Variants in PLA2G6 observed in about 807,000 individuals in gnomAD.
The protein encoded by PLA2G6 is 85/88 kDa calcium-independent phospholipase A2.
PLA2G6 carries 62 observed loss-of-function variants against 83.8 expected under a neutral mutation model. The ratio of observed to expected loss-of-function variants is 0.74; its 90% CI spans 0.60 to 0.91. The LOEUF (loss-of-function observed/expected upper bound fraction) is 0.91, where lower values mean the gene tolerates loss of function less well. Among genes scored for constraint, PLA2G6 ranks in the 40% least tolerant of loss-of-function variants. PLA2G6 has a pLI of 0.00. For missense variants in PLA2G6, 944 were observed against 1,102.0 expected, an observed-to-expected ratio of 0.86 and a Z score of 2.03; for synonymous variants, 417 against 449.8, an observed-to-expected ratio of 0.93 and a Z score of 0.92.
chr22:38,171,306 CCTT>C (rs1451599179), intron 1 of PLA2G6, among the ~76,000 whole-genome samples: 3 of 152,162 alleles, frequency 2.0e-5, no homozygotes, highest in Non-Finnish European at 4.4e-5. Flanking sequence ...AAGCCCTGAT[CCTT>C]CTTCAAATCC....
At chr22:38,180,036 G>A (rs1016512824) in intron 1 of PLA2G6, among the ~76,000 whole-genome samples, 1 of 151,820 alleles carries the variant, frequency 6.6e-6, no homozygotes, top group Non-Finnish European at 1.5e-5. Context: ...TTCTCCCAGG[G>A]AGCCACCCTC....
At chr22:38,139,878 G>A (rs2088791370) in intron 5 of PLA2G6, 104 bp downstream of exon 5, 2 of 942,160 alleles carry the variant, frequency 2.1e-6, no homozygotes, top group African/African-American at 3.3e-5. Context: ...TGAGGCTGGA[G>A]ATGCTAAGAT....
intron 2 of PLA2G6, among the ~76,000 whole-genome samples, chr22:38,152,842 G>A (rs1007397297): frequency 1.1e-4 from 17 of 152,054 alleles, no homozygotes; most frequent in African/African-American, 3.9e-4. Context: ...ATATGAAAAC[G>A]CTCAATCACA....
intron 1 of PLA2G6, among the ~76,000 whole-genome samples, chr22:38,179,509 C>T (rs185382782): frequency 1.5e-4 from 23 of 152,204 alleles, no homozygotes; most frequent in African/African-American, 5.3e-4. Context: ...TGAGGCCTGG[C>T]GCGGTGGCTC....
intron 12 of PLA2G6, among the ~76,000 whole-genome samples, chr22:38,120,419 A>C (rs2087454411): frequency 6.6e-6 from 1 of 152,210 alleles, no homozygotes; most frequent in Non-Finnish European, 1.5e-5. Flanking sequence ...GTCTCAGAGA[A>C]GGGTGGCCCA....
intron 13 of PLA2G6, 52 bp from the exon 14 acceptor site, chr22:38,115,733 C>T: frequency 6.4e-7 from 1 of 1,553,038 alleles, no homozygotes; most frequent in Non-Finnish European, 8.7e-7. Flanking sequence ...TGGCATAAAA[C>T]CCATGCACTC....
rs1017269418 is a variant in PLA2G6 at position 38,127,157 on chromosome 22, C to G, written c.1349-708G>C. ...CGTGACCCCAACTCTGACAGCCCCC[C>G]ACCACTGTGCAGAGTCTAGAAGCAG... On this transcript the variant is annotated intron_variant, in intron 9 of 16. Transcript: ENST00000332509. The G allele has an allele frequency of 1.4e-5, 16 of 1,154,606 alleles. No individual in the cohort carries two copies. The African/African-American group carries it at 1.9e-4, about 14-fold the overall frequency. 71.5% of individuals were successfully genotyped at this position (1,154,606 alleles called of 1,614,324 possible). A position where few individuals can be genotyped will look rare whatever the true frequency, so the allele number is the denominator to read the frequency against.
chr22:38,158,720 G>T (rs757827300), intron 2 of PLA2G6, among the ~76,000 whole-genome samples: 8 of 152,148 alleles, frequency 5.3e-5, no homozygotes, highest in African/African-American at 9.7e-5. Flanking sequence ...TTCTTGAAAA[G>T]AATGTGTATT....
At chr22:38,145,747 G>C (rs900906817) in intron 2 of PLA2G6, 94 bp from the exon 3 acceptor site, 6 of 794,942 alleles carry the variant, frequency 7.5e-6, no homozygotes, top group South Asian at 2.9e-5. Context: ...CCCAGGCTGC[G>C]GCCTGGCCAG....
chr22:38,127,241 A>C, intron 9 of PLA2G6: 3 of 1,219,196 alleles, frequency 2.5e-6, no homozygotes, highest in Non-Finnish European at 3.2e-6. Context: ...ACACGGCTCC[A>C]CAGTGAACAA....
rs1233618653 is a variant in PLA2G6, at chr22:38,112,304, A to G, written c.2278T>C (p.Leu760=). ...CEMVGIQYFR[L]NPQLGTDIML... is the part of the protein sequence containing the mutation. ...ATGTCCGTCCCCAGCTGGGGGTTCA[A>G]TCTGTTCGGGCCAGGGAGGAGGGGG... is the stretch of plus-strand genomic sequence containing the variant. Residue 760 remains leucine, a splice_region_variant and synonymous_variant, in exon 17 of 17, where the codon TTG becomes CTG. Coordinates refer to ENST00000332509, the MANE Select transcript of PLA2G6 (RefSeq NM_003560.4). The G allele has an allele frequency of 6.2e-7, 1 of 1,613,304 alleles. No individual in the cohort carries two copies. The highest frequency in any genetic ancestry group is 8.5e-7 in the Non-Finnish European group (1 of 1,179,792).
chr22:38,113,458 A>G, intron 15 of PLA2G6, 29 bp downstream of exon 15: 1 of 1,610,964 alleles, frequency 6.2e-7, no homozygotes, highest in East Asian at 2.2e-5. Flanking sequence ...CCCTGAGGGA[A>G]GTGGCCTGGG....
rs199540781 is a variant in PLA2G6 at position 38,116,129 on chromosome 22, G to A, written c.1825C>T (p.Arg609Trp). Residue 609 changes from arginine (R) to tryptophan (W), a missense_variant, in exon 13 of 17, where the codon CGG becomes TGG. By Grantham distance (101) the Arg-to-Trp change is moderately radical. Transcript: ENST00000332509. Reference sequence around the variant, plus strand: ...ACGTTCTGGTTGAAACGAGGCTCCCGGACAGTTTCTGGAGCATCGTAGTTC... The same window carrying A: ...ACGTTCTGGTTGAAACGAGGCTCCCAGACAGTTTCTGGAGCATCGTAGTTC... ...FRNYDAPETV[R>W]EPRFNQNVNL... 5.6e-6 allele frequency: 9 copies of A among 1,614,062 alleles called. No individual in the cohort carries two copies. The highest frequency in any genetic ancestry group is 4.5e-5 in the East Asian group (2 of 44,876).
rs1602289037 is a variant in PLA2G6, at chr22:38,174,655, G to A, written c.-45-5184C>T. Among the ~76,000 whole-genome samples the A allele has an allele frequency of 4.6e-5, 7 of 152,208 alleles. No individual in the cohort carries two copies. The South Asian group carries it at 1.4e-3, about 32-fold the overall frequency. Reference sequence around the variant, plus strand: ...CAGGAGTTTGCCAGCGGGGGAAATGGCGAGAGGCCTTCACAGCAGATGAAG... The same window carrying A: ...CAGGAGTTTGCCAGCGGGGGAAATGACGAGAGGCCTTCACAGCAGATGAAG... On this transcript the variant is annotated intron_variant, in intron 1 of 16. Transcript: ENST00000332509.
rs11570729 is a variant in PLA2G6, at chr22:38,123,690, G to A, written c.1428-432C>T. On this transcript the variant is annotated intron_variant, in intron 10 of 16. Coordinates refer to ENST00000332509, the MANE Select transcript of PLA2G6 (RefSeq NM_003560.4). This position sits in a 1 kb window ranked among gnomAD's most constrained non-coding sequence, Gnocchi z 4.1. ...GGAATGGGCAGTGACAGAGTATCAG[G>A]GCCTCCACACAAGGTGGAAGAAGCA... is the stretch of plus-strand genomic sequence containing the variant. Among the ~76,000 whole-genome samples the A allele has an allele frequency of 5.1e-3, 781 of 152,202 alleles. 4 individuals are homozygous for A. The highest frequency in any genetic ancestry group is 0.018 in the African/African-American group (741 of 41,516).
chr22:38,167,124 A>G (rs1332472068), intron 2 of PLA2G6, among the ~76,000 whole-genome samples: 3 of 150,598 alleles, frequency 2.0e-5, no homozygotes, highest in African/African-American at 7.3e-5. Context: ...GCTACTTGGG[A>G]GGCTGAGGCA....
At position 38,134,745 on chromosome 22, in the gene PLA2G6, G is replaced by T. The variant is rs10483197; in HGVS notation, c.894+243C>A. 12,519 of 539,188 alleles carry T rather than the reference G, an allele frequency of 0.023. 1,196 individuals are homozygous for T. The highest frequency in any genetic ancestry group is 0.21 in the African/African-American group (10,796 of 52,644). The allele number at this position is 539,188 out of a possible 1,614,324, so 33.4% of individuals were successfully genotyped here. A position where few individuals can be genotyped will look rare whatever the true frequency, so the allele number is the denominator to read the frequency against. ...ACTGCCTTGCTGACTTCATCACATC[G>T]CCAAAGCAGAATTCATGGATGAGGA... On this transcript the variant is annotated intron_variant, in intron 6 of 16. Coordinates refer to ENST00000332509, the MANE Select transcript of PLA2G6 (RefSeq NM_003560.4).
chr22:38,165,541 T>C (rs2090179741), intron 2 of PLA2G6, among the ~76,000 whole-genome samples: 1 of 152,166 alleles, frequency 6.6e-6, no homozygotes. Flanking sequence ...TTGATCACAC[T>C]GGGCCCTTTT....
chr22:38,112,558 C>A lies in PLA2G6; in HGVS notation c.2222G>T (p.Arg741Leu). The A allele has an allele frequency of 6.4e-7, 1 of 1,553,238 alleles. No homozygotes were observed. Among genetic ancestry groups the A allele is most frequent in the Non-Finnish European group, 8.7e-7 (1 of 1,149,430 alleles). ...VVDCCTDPDGRAVDRARAWCE... is the reference protein window; with the variant it reads ...VVDCCTDPDGLAVDRARAWCE... The stretch of plus-strand genomic sequence containing the variant: ...CCAGGCCCGTGCCCGGTCCACAGCC[C>A]GCCCGTCTGGATCCGTGCACTGGTG... The change falls in exon 16 of 17, where the codon CGG (arginine) becomes CTG (leucine). Residue 741 changes from arginine (R) to leucine (L), a missense_variant. Coordinates refer to ENST00000332509, the MANE Select transcript of PLA2G6 (RefSeq NM_003560.4).
Sources: allele counts gnomAD v4.1 joint callset (sites outside exome capture counted in the v4.1 genomes callset), GRCh38; gene constraint gnomAD v4.1.1; non-coding constraint Gnocchi (gnomAD v3.1); transcripts MANE v1.5; gene names NCBI Gene and HGNC (gene_info 2026-07-23, HGNC 2026-07-21).